Variants in PHC3 observed in about 807,000 individuals in gnomAD.
PHC3 encodes the protein polyhomeotic-like protein 3.
Under a neutral mutation model 107.4 loss-of-function variants are expected in PHC3, and 13 were observed. The ratio of observed to expected loss-of-function variants is 0.12; its 90% CI spans 0.08 to 0.19. The LOEUF (loss-of-function observed/expected upper bound fraction) is 0.19. Ranked by LOEUF, PHC3 falls within the 10% of genes least tolerant of loss-of-function variation. The probability of loss-of-function intolerance (pLI) is 1.00; values close to 1 mark genes in which losing one functional copy is unlikely to be tolerated. For synonymous variants in PHC3, 456 were observed against 427.4 expected, an observed-to-expected ratio of 1.07 and a Z score of -0.83; for missense variants, 992 against 1,210.9, an observed-to-expected ratio of 0.82 and a Z score of 2.68.
At chr3:170,172,985 G>A (rs1164867183) in intron 2 of PHC3, among the ~76,000 whole-genome samples, 2 of 152,102 alleles carry the variant, frequency 1.3e-5, no homozygotes, top group Admixed American at 6.6e-5. Flanking sequence ...AAGGTCAGGA[G>A]ATCAAGACCA....
intron 1 of PHC3, among the ~76,000 whole-genome samples, chr3:170,181,469 A>C (rs956211492): frequency 2.6e-5 from 4 of 152,072 alleles, no homozygotes; most frequent in African/African-American, 9.7e-5. Context: ...GGCCGCGCAG[A>C]TCCGGGACCT....
In PHC3 at chr3:170,088,210, G is replaced by C. The variant is rs530243466; in HGVS notation, c.*9020C>G. The C allele has an allele frequency of 6.6e-6, 1 of 152,058 alleles. No homozygotes were observed. The highest frequency in any genetic ancestry group is 2.4e-5 in the African/African-American group (1 of 41,402). The allele number at this position is 152,058 out of a possible 1,614,324, so 9.4% of individuals were successfully genotyped here. A position where few individuals can be genotyped will look rare whatever the true frequency, so the allele number is the denominator to read the frequency against. On this transcript the variant is annotated 3_prime_UTR_variant, in exon 15 of 15. Coordinates refer to ENST00000495893, the MANE Select transcript of PHC3 (RefSeq NM_024947.4). ...CCTTGGTGATCTTTGTTCATCCTGG[G>C]TGGATCATCTTTTGAGGTTTTAATA...
chr3:170,180,493 C>T (rs1731211507), intron 1 of PHC3, among the ~76,000 whole-genome samples: 1 of 151,368 alleles, frequency 6.6e-6, no homozygotes, highest in South Asian at 2.1e-4. Flanking sequence ...GAAAGGAAAA[C>T]CGTCAGGAAG....
chr3:170,118,674 T>C (rs923296001), intron 9 of PHC3, among the ~76,000 whole-genome samples: 5 of 152,072 alleles, frequency 3.3e-5, no homozygotes, highest in African/African-American at 7.2e-5. Flanking sequence ...GCCTGCCAAA[T>C]TGCTGGTATT....
rs544683153 is a variant in PHC3, at chr3:170,178,649, T to C, written c.180+124A>G. 5.7e-4 allele frequency: 613 copies of C among 1,079,482 alleles called. 1 individual carries two copies. Among genetic ancestry groups the C allele is most frequent in the Non-Finnish European group, 8.0e-4 (573 of 715,218 alleles). 66.9% of individuals were successfully genotyped at this position (1,079,482 alleles called of 1,614,324 possible). A position where few individuals can be genotyped will look rare whatever the true frequency, so the allele number is the denominator to read the frequency against. ...GCCACACAAAATGGATTGAGACAGT[T>C]GATTGAAACATTAGTAATTCTAACT... On this transcript the variant is annotated intron_variant, in intron 2 of 14. Coordinates refer to ENST00000495893, the MANE Select transcript of PHC3 (RefSeq NM_024947.4).
intron 6 of PHC3, among the ~76,000 whole-genome samples, chr3:170,140,303 G>A (rs763248248): frequency 1.1e-4 from 16 of 151,732 alleles, no homozygotes; most frequent in Admixed American, 2.6e-4. Flanking sequence ...ACTCAGGCTA[G>A]AGGGCAGTGG....
chr3:170,168,950 A>ATT (rs762004298), intron 4 of PHC3, among the ~76,000 whole-genome samples: 2 of 138,372 alleles, frequency 1.4e-5, no homozygotes, highest in Non-Finnish European at 3.2e-5. Context: ...AGTGTTTCGG[A>ATT]TTTTTTTTTT....
chr3:170,126,120 T>TAGC (rs1171719168), intron 8 of PHC3: 1 of 243,136 alleles, frequency 4.1e-6, no homozygotes, highest in Non-Finnish European at 6.6e-6. Context: ...CTGATTTTAC[T>TAGC]TTGAAAATTC....
intron 4 of PHC3, among the ~76,000 whole-genome samples, chr3:170,165,149 G>A (rs566660895): frequency 6.6e-6 from 1 of 152,154 alleles, no homozygotes; most frequent in South Asian, 2.1e-4. Context: ...CCCCAGCTTA[G>A]CAATTAAGAG....
chr3:170,089,178 C>G lies in PHC3; in HGVS notation c.*8052G>C, dbSNP rs138226350. The G allele has an allele frequency of 6.6e-6, 1 of 152,094 alleles. No individual in the cohort carries two copies. The highest frequency in any genetic ancestry group is 1.5e-5 in the Non-Finnish European group (1 of 67,946). 9.4% of individuals were successfully genotyped at this position (152,094 alleles called of 1,614,324 possible). ...AGACTCTGTCTCAAAACAAACAAAA[C>G]AAAAAAGCTAAAACAATGATAAACT... is the stretch of plus-strand genomic sequence containing the variant. On this transcript the variant is annotated 3_prime_UTR_variant, in exon 15 of 15. Coordinates refer to ENST00000495893, the MANE Select transcript of PHC3 (RefSeq NM_024947.4).
At chr3:170,100,115 G>C (rs1477003810) in intron 14 of PHC3, among the ~76,000 whole-genome samples, 1 of 152,144 alleles carries the variant, frequency 6.6e-6, no homozygotes, top group Non-Finnish European at 1.5e-5. Flanking sequence ...TGGTTAACAA[G>C]ACGATATACA....
At chr3:170,147,018 G>A (rs1725088490) in intron 5 of PHC3, among the ~76,000 whole-genome samples, 1 of 151,694 alleles carries the variant, frequency 6.6e-6, no homozygotes. Context: ...GAGCAGCTGG[G>A]ATTACAAGCG....
intron 6 of PHC3, among the ~76,000 whole-genome samples, chr3:170,137,157 GC>G (rs1247185664): frequency 6.6e-6 from 1 of 152,170 alleles, no homozygotes; most frequent in East Asian, 1.9e-4. Flanking sequence ...CAAATCATCT[GC>G]CCCATTGTGA....
chr3:170,115,875 T>TCACACACACACACACA (rs1238887514), intron 10 of PHC3, among the ~76,000 whole-genome samples: 2 of 88,556 alleles, frequency 2.3e-5, no homozygotes, highest in African/African-American at 9.4e-5. Context: ...AATCCAAGTT[T>TCACACACACACACACA]CTCACACACA....
rs1160977531 is a variant in PHC3 at position 170,095,169 on chromosome 3, A to G, written c.*2061T>C. On this transcript the variant is annotated 3_prime_UTR_variant, in exon 15 of 15. Coordinates refer to ENST00000495893, the MANE Select transcript of PHC3 (RefSeq NM_024947.4). ...AGAGGGAAAAGTCAAGCATATGACA[A>G]TTCTGTCATGATGATTAACTGCTAA... The G allele has an allele frequency of 6.6e-6, 1 of 152,154 alleles. No homozygotes were observed. Among genetic ancestry groups the G allele is most frequent in the Non-Finnish European group, 1.5e-5 (1 of 68,004 alleles). The allele number at this position is 152,154 out of a possible 1,614,324, so 9.4% of individuals were successfully genotyped here. A position where few individuals can be genotyped will look rare whatever the true frequency, so the allele number is the denominator to read the frequency against.
chr3:170,110,484 G>A (rs1328706105), intron 11 of PHC3, among the ~76,000 whole-genome samples: 3 of 152,156 alleles, frequency 2.0e-5, no homozygotes, highest in Non-Finnish European at 2.9e-5. Context: ...TTAAATCCAC[G>A]ACCCACTTCA....
chr3:170,116,769 G>A (rs1051082489), intron 10 of PHC3, among the ~76,000 whole-genome samples: 5 of 151,792 alleles, frequency 3.3e-5, no homozygotes, highest in African/African-American at 9.7e-5. Flanking sequence ...AAATTAGTGG[G>A]GCACGGTGGC....
rs552472063 is a variant in PHC3, at chr3:170,097,476, G to C, written c.2834-92C>G. 4 of 1,245,096 alleles carry C rather than the reference G, an allele frequency of 3.2e-6. No homozygotes were observed. Among genetic ancestry groups the C allele is most frequent in the Middle Eastern group, 2.1e-4 (1 of 4,866 alleles). The allele number at this position is 1,245,096 out of a possible 1,614,324, so 77.1% of individuals were successfully genotyped here. On this transcript the variant is annotated intron_variant, in intron 14 of 14. Transcript: ENST00000495893. The surrounding 1 kb of genome is among the most constrained non-coding windows in gnomAD (Gnocchi z 4.1). ...TCACAGTTATGCTCTCACTGGGTCT[G>C]AGAATCTGAAATACAGGCTGAGAAA...
At chr3:170,150,843 G>A in intron 4 of PHC3, 1 of 218,676 alleles carries the variant, frequency 4.6e-6, no homozygotes, top group South Asian at 4.8e-5. Context: ...AGGGTAATAG[G>A]GAAAAGAAAA....
Sources: allele counts gnomAD v4.1 joint callset (sites outside exome capture counted in the v4.1 genomes callset), GRCh38; gene constraint gnomAD v4.1.1; non-coding constraint Gnocchi (gnomAD v3.1); transcripts MANE v1.5; gene names NCBI Gene and HGNC (gene_info 2026-07-23, HGNC 2026-07-21).